STARD3: variants seen among roughly 807,000 people sequenced by gnomAD.
STARD3 encodes stAR-related lipid transfer protein 3.
In STARD3, 39 loss-of-function variants were observed where a neutral mutation model predicts 62.0. The observed-to-expected ratio is 0.63, with a 90% CI of 0.49 to 0.82. STARD3 has a LOEUF of 0.82. Ranked by LOEUF, STARD3 falls within the 40% of genes least tolerant of loss-of-function variation. The pLI, the probability that STARD3 is intolerant of heterozygous loss-of-function variation, is 0.00. For synonymous variants in STARD3, 229 were observed against 242.4 expected (o/e 0.94, Z 0.51); for missense variants, 543 against 584.5 (o/e 0.93, Z 0.73).
At chr17:39,655,893 GC>G (rs1195050456) in intron 2 of STARD3, among the ~76,000 whole-genome samples, 6 of 151,800 alleles carry the variant, frequency 4.0e-5, no homozygotes, top group African/African-American at 1.5e-4. Flanking sequence ...GGGTGCCCAG[GC>G]TGGAAAGAGG....
chr17:39,657,902 A>G (rs766513306), intron 4 of STARD3, 50 bp downstream of exon 4: 3 of 1,613,496 alleles, frequency 1.9e-6, no homozygotes, highest in African/African-American at 1.3e-5. Context: ...GGGCTGGTGG[A>G]AGGGATGGGA....
intron 1 of STARD3, among the ~76,000 whole-genome samples, chr17:39,651,297 G>A (rs2057075536): frequency 6.6e-6 from 1 of 152,240 alleles, no homozygotes; most frequent in Non-Finnish European, 1.5e-5. Context: ...CACAAACTGA[G>A]CTGCGCTTGT....
At chr17:39,645,801 A>G (rs561376251) in intron 1 of STARD3, among the ~76,000 whole-genome samples, 21 of 141,768 alleles carry the variant, frequency 1.5e-4, no homozygotes, top group Admixed American at 4.3e-4. Context: ...ATCTATCTCA[A>G]CCACCACTGA....
rs1567857663 is a variant in STARD3 at position 39,653,556 on chromosome 17, AC to A, written c.28del (p.Arg10GlufsTer63). On this transcript the variant is annotated frameshift_variant, in exon 2 of 15. Transcript: ENST00000336308. LOFTEE classifies it high-confidence loss of function. ...GATGAGCAAGCTGCCCAGGGAGCTGACCCGAGACTTGGAGCGCAGCCTGCCT... is the reference window on the plus strand; with the variant it reads ...GATGAGCAAGCTGCCCAGGGAGCTGACCGAGACTTGGAGCGCAGCCTGCCT... MSKLPREL[T>X]RDLERSLPAV... 1 of 1,605,936 alleles carries A rather than the reference AC, an allele frequency of 6.2e-7. No homozygotes were observed. The highest frequency in any genetic ancestry group is 1.7e-5 in the Admixed American group (1 of 60,004).
chr17:39,662,271 G>T lies in STARD3; in HGVS notation c.1160G>T (p.Gly387Val). ...KYVRGENGPGGFIVLKSASNP... is the reference protein window; with the variant it reads ...KYVRGENGPGVFIVLKSASNP... ...CATAGGGGAGAGAATGGCCCTGGGG[G>T]CTTCATCGTGCTCAAGTCGGCCAGT... The change falls in exon 14 of 15, where the codon GGC becomes GTC. Residue 387 changes from glycine (G) to valine (V), a missense_variant. Physicochemically the swap from Gly to Val is moderately radical, Grantham distance 109. Transcript: ENST00000336308. 2 of 1,613,974 alleles carry T rather than the reference G, an allele frequency of 1.2e-6. No individual in the cohort carries two copies. Among genetic ancestry groups the T allele is most frequent in the South Asian group, 1.1e-5 (1 of 91,032 alleles).
intron 6 of STARD3, 92 bp downstream of exon 6, chr17:39,658,614 C>T (rs945913265): frequency 6.4e-6 from 10 of 1,567,076 alleles, no homozygotes; most frequent in African/African-American, 1.4e-5. Context: ...TGAAGCATCT[C>T]GCCACCTCTG....
chr17:39,659,692 G>T, intron 9 of STARD3, 139 bp downstream of exon 9: 1 of 901,704 alleles, frequency 1.1e-6, no homozygotes, highest in Admixed American at 2.5e-5. Flanking sequence ...TGGGCCCTCG[G>T]GTCGGCAGGA....
Position 39,660,225 on chromosome 17 carries a change from C to T in STARD3, c.810C>T (p.Thr270=), listed in dbSNP as rs200896981. The T allele has an allele frequency of 2.9e-4, 472 of 1,614,086 alleles. No individual in the cohort carries two copies. Among genetic ancestry groups the T allele is most frequent in the South Asian group, 1.1e-3 (102 of 91,074 alleles). The change falls in exon 10 of 15, where the codon ACC becomes ACT. Residue 270 remains threonine, a synonymous_variant. Transcript: ENST00000336308. The surrounding 1 kb of genome is among the most constrained non-coding windows in gnomAD (Gnocchi z 4.8). Reference sequence around the variant, plus strand: ...CCCTGCCATAGGAATATGGGGACACCGTGTACACCATTGAAGTTCCCTTTC... The same window carrying T: ...CCCTGCCATAGGAATATGGGGACACTGTGTACACCATTGAAGTTCCCTTTC... ...KFEKNNEYGD[T]VYTIEVPFHG...
intron 1 of STARD3, among the ~76,000 whole-genome samples, chr17:39,639,793 T>G (rs549202815): frequency 6.6e-6 from 1 of 152,186 alleles, no homozygotes; most frequent in Non-Finnish European, 1.5e-5. Flanking sequence ...GGGCTGGGCC[T>G]TCTTTGGAGC....
intron 1 of STARD3, chr17:39,653,214 G>A (rs931179953): frequency 4.6e-6 from 2 of 437,760 alleles, no homozygotes; most frequent in African/African-American, 2.0e-5. Context: ...CCATGCAGAG[G>A]GACCCCAGAG....
intron 1 of STARD3, among the ~76,000 whole-genome samples, chr17:39,649,769 G>A (rs2057059260): frequency 6.6e-6 from 1 of 151,418 alleles, no homozygotes; most frequent in African/African-American, 2.4e-5. Context: ...GGGAGGCTGA[G>A]GCAGGAGAAT....
rs760363438 is a variant in STARD3 at position 39,664,101 on chromosome 17, C to A, written c.*1193C>A. 3 of 152,262 alleles carry A rather than the reference C, an allele frequency of 2.0e-5. No individual in the cohort carries two copies. Among genetic ancestry groups the A allele is most frequent in the Non-Finnish European group, 4.4e-5 (3 of 68,074 alleles). The allele number at this position is 152,262 out of a possible 1,614,324, so 9.4% of individuals were successfully genotyped here. On this transcript the variant is annotated 3_prime_UTR_variant, in exon 15 of 15. Coordinates refer to ENST00000336308, the MANE Select transcript of STARD3 (RefSeq NM_006804.4). ...GTTTCGGTCCTGCCTAGGTGTGTGACCCTGGGCGAATCTACCTCTCTCAGC... is the reference window on the plus strand; with the variant it reads ...GTTTCGGTCCTGCCTAGGTGTGTGAACCTGGGCGAATCTACCTCTCTCAGC...
chr17:39,662,930 G>T lies in STARD3; in HGVS notation c.*22G>T, dbSNP rs111294298. Reference sequence around the variant, plus strand: ...GTGACTGTGCCCCCTCCCACCCTGCGGGCCAGGGTCCTGTCGCCACCACTT... The same window carrying T: ...GTGACTGTGCCCCCTCCCACCCTGCTGGCCAGGGTCCTGTCGCCACCACTT... On this transcript the variant is annotated 3_prime_UTR_variant, in exon 15 of 15. Transcript: ENST00000336308. 6.3e-7 allele frequency: 1 copy of T among 1,597,734 alleles called. No individual in the cohort carries two copies.
intron 14 of STARD3, chr17:39,662,595 G>T: frequency 3.2e-6 from 2 of 633,922 alleles, no homozygotes; most frequent in East Asian, 5.6e-5. Flanking sequence ...GGCCAGCCCG[G>T]CCCCACCCTG....
At position 39,657,766 on chromosome 17, in the gene STARD3, C is replaced by T; in HGVS notation, c.298-9C>T. On this transcript the variant is annotated splice_polypyrimidine_tract_variant and intron_variant, in intron 3 of 14. Coordinates refer to ENST00000336308, the MANE Select transcript of STARD3 (RefSeq NM_006804.4). ...TTCCTGTGACTGCCTTGCTCCCGTC[C>T]CCCACCAGGTCCTGGCCTTCTTCCG... 2 of 1,614,058 alleles carry T rather than the reference C, an allele frequency of 1.2e-6. No homozygotes were observed. The highest frequency in any genetic ancestry group is 1.7e-6 in the Non-Finnish European group (2 of 1,179,964).
intron 1 of STARD3, among the ~76,000 whole-genome samples, chr17:39,649,599 G>A (rs1162620847): frequency 6.6e-6 from 1 of 152,242 alleles, no homozygotes; most frequent in Non-Finnish European, 1.5e-5. Context: ...GAGCGTGGTA[G>A]CTCACGCCTG....
rs771781525 is a variant in STARD3, at chr17:39,660,178, TCTC to T, written c.796-28_796-26del. 118 of 1,612,782 alleles carry T rather than the reference TCTC, an allele frequency of 7.3e-5. No individual in the cohort carries two copies. The East Asian group carries it at 2.1e-3, about 28-fold the overall frequency. ...CCACCAGCCCACCCCCTGCCTCCAC[TCTC>T]CTCCCTGCCACCTTCTGTCCCTGCC... On this transcript the variant is annotated intron_variant, in intron 9 of 14. Coordinates refer to ENST00000336308, the MANE Select transcript of STARD3 (RefSeq NM_006804.4). The surrounding 1 kb of genome is among the most constrained non-coding windows in gnomAD (Gnocchi z 4.8).
At position 39,659,384 on chromosome 17, in the gene STARD3, T is replaced by G. The variant is rs2057169209; in HGVS notation, c.703-77T>G. 3 of 1,419,752 alleles carry G rather than the reference T, an allele frequency of 2.1e-6. No homozygotes were observed. In the African/African-American group the frequency reaches 4.2e-5, roughly 20 times the overall value. 87.9% of individuals were successfully genotyped at this position (1,419,752 alleles called of 1,614,324 possible). A position where few individuals can be genotyped will look rare whatever the true frequency, so the allele number is the denominator to read the frequency against. The stretch of plus-strand genomic sequence containing the variant: ...CCCTCTGGGAAGCATGTGGTATGTC[T>G]AGAGAGAGAACAGGCCACGAACATG... On this transcript the variant is annotated intron_variant, in intron 8 of 14. Transcript: ENST00000336308.
chr17:39,663,094 G>T lies in STARD3; in HGVS notation c.*186G>T, dbSNP rs764697151. 7.2e-6 allele frequency: 4 copies of T among 556,154 alleles called. No individual in the cohort carries two copies. In the East Asian group the frequency reaches 1.0e-4, roughly 14 times the overall value. The allele number at this position is 556,154 out of a possible 1,614,324, so 34.5% of individuals were successfully genotyped here. ...GTGGGGTGGAGCACTGGACTCCGGG[G>T]CCCCACTGGCTGGAGGAAGTGGGGT... On this transcript the variant is annotated 3_prime_UTR_variant, in exon 15 of 15. Coordinates refer to ENST00000336308, the MANE Select transcript of STARD3 (RefSeq NM_006804.4).
Sources: allele counts gnomAD v4.1 joint callset (sites outside exome capture counted in the v4.1 genomes callset), GRCh38; gene constraint gnomAD v4.1.1; non-coding constraint Gnocchi (gnomAD v3.1); transcripts MANE v1.5; gene names NCBI Gene and HGNC (gene_info 2026-07-23, HGNC 2026-07-21).